The following ULBP1 variants were observed in gnomAD, a reference collection of about 807,000 sequenced individuals.
ULBP1 encodes UL16 binding protein 1.
In ULBP1, 28 loss-of-function variants were observed where a neutral mutation model predicts 25.3. That is an observed-to-expected ratio of 1.10 (90% confidence interval 0.82 to 1.51). The LOEUF is 1.51. ULBP1 is among the 40% of genes most tolerant of loss of function. ULBP1 has a pLI of 0.00. For synonymous variants in ULBP1, 129 were observed against 103.0 expected, an observed-to-expected ratio of 1.25 and a Z score of -1.53; for missense variants, 348 against 290.9, an observed-to-expected ratio of 1.20 and a Z score of -1.43.
At chr6:149,969,695 G>C (rs1436253280) in intron 3 of ULBP1, among the ~76,000 whole-genome samples, 1 of 152,112 alleles carries the variant, frequency 6.6e-6, no homozygotes, top group Admixed American at 6.5e-5. Flanking sequence ...ATCGGTTTCT[G>C]TAAATCCATC....
chr6:149,969,882 C>T (rs1299383441), intron 3 of ULBP1, 134 bp from the exon 4 acceptor site: 1 of 1,216,660 alleles, frequency 8.2e-7, no homozygotes, highest in Non-Finnish European at 1.1e-6. Context: ...AAGACTTGTC[C>T]CAGAGGTTGC....
intron 1 of ULBP1, among the ~76,000 whole-genome samples, chr6:149,965,695 G>T (rs1160963436): frequency 2.0e-5 from 3 of 152,072 alleles, no homozygotes; most frequent in Non-Finnish European, 4.4e-5. Context: ...TCCCTGCCCT[G>T]GAACTTCGCC....
Position 149,968,802 on chromosome 6 carries a change from T to A in ULBP1, c.281T>A (p.Leu94Gln). Residue 94 changes from leucine (L) to glutamine (Q), a missense_variant, in exon 2 of 5, where the codon CTA (leucine) becomes CAA (glutamine). By Grantham distance (113) the Leu-to-Gln change is moderately radical. Coordinates refer to ENST00000229708, the MANE Select transcript of ULBP1 (RefSeq NM_025218.4). ...TKTWEEQTET[L>Q]RDVVDFLKGQ... ...ACCTGGGAAGAACAAACTGAAACAC[T>A]AAGAGACGTGGTGGATTTCCTTAAA... is the stretch of plus-strand genomic sequence containing the variant. The A allele has an allele frequency of 6.2e-7, 1 of 1,614,220 alleles. No individual in the cohort carries two copies. Among genetic ancestry groups the A allele is most frequent in the Non-Finnish European group, 8.5e-7 (1 of 1,180,046 alleles).
chr6:149,969,207 T>C lies in ULBP1; in HGVS notation c.472T>C (p.Trp158Arg), dbSNP rs1270681415. ...FLLFDSNNRK[W>R]TALHPGAKKM... is the part of the protein sequence containing the mutation. ...CCTCTTTGACTCAAACAACAGAAAG[T>C]GGACAGCACTTCATCCTGGAGCCAA... Residue 158 changes from tryptophan to arginine, a missense_variant, in exon 3 of 5, where the codon TGG (tryptophan) becomes CGG (arginine). Physicochemically the swap from Trp to Arg is moderately radical, Grantham distance 101. Coordinates refer to ENST00000229708, the MANE Select transcript of ULBP1 (RefSeq NM_025218.4). The C allele has an allele frequency of 1.2e-6, 2 of 1,614,060 alleles. No individual in the cohort carries two copies. The highest frequency in any genetic ancestry group is 2.2e-5 in the East Asian group (1 of 44,888).
At chr6:149,968,107 G>A (rs981122568) in intron 1 of ULBP1, among the ~76,000 whole-genome samples, 3 of 152,172 alleles carry the variant, frequency 2.0e-5, no homozygotes, top group Non-Finnish European at 4.4e-5. Context: ...TAGCAGATGG[G>A]CATCTTCACT....
At position 149,972,162 on chromosome 6, in the gene ULBP1, G is replaced by T. The variant is rs181912461; in HGVS notation, c.*816G>T. On this transcript the variant is annotated 3_prime_UTR_variant, in exon 5 of 5. Transcript: ENST00000229708. ...TTTAATATGAAAATATTACATTCATGATTATTTTATTTAGTAAATAAAATA... is the reference window on the plus strand; with the variant it reads ...TTTAATATGAAAATATTACATTCATTATTATTTTATTTAGTAAATAAAATA... The T allele has an allele frequency of 1.4e-3, 206 of 152,134 alleles. 2 individuals are homozygous for T. Among genetic ancestry groups the T allele is most frequent in the Admixed American group, 0.012 (191 of 15,290 alleles). The allele number at this position is 152,134 out of a possible 1,614,324, so 9.4% of individuals were successfully genotyped here.
intron 1 of ULBP1, among the ~76,000 whole-genome samples, chr6:149,965,209 C>T (rs1224466627): frequency 1.1e-5 from 1 of 90,056 alleles, no homozygotes; most frequent in African/African-American, 1.1e-4. Context: ...CATCGCGATC[C>T]CCCAGAACAT....
chr6:149,971,349 A>G lies in ULBP1; in HGVS notation c.*23-20A>G, dbSNP rs926398965. 2.7e-5 allele frequency: 27 copies of G among 985,298 alleles called. No homozygotes were observed. The highest frequency in any genetic ancestry group is 2.5e-4 in the Admixed American group (4 of 16,258). 61.0% of individuals were successfully genotyped at this position (985,298 alleles called of 1,614,324 possible). A position where few individuals can be genotyped will look rare whatever the true frequency, so the allele number is the denominator to read the frequency against. ...AGGTTTTTCTCAGCCACTTAAACCAATGCTTCATCTTTTCTCAAGGTGGAA... is the reference window on the plus strand; with the variant it reads ...AGGTTTTTCTCAGCCACTTAAACCAGTGCTTCATCTTTTCTCAAGGTGGAA... On this transcript the variant is annotated intron_variant, in intron 4 of 4. Coordinates refer to ENST00000229708, the MANE Select transcript of ULBP1 (RefSeq NM_025218.4).
Position 149,964,123 on chromosome 6 carries a change from C to T in ULBP1, c.74C>T (p.Ala25Val). The change falls in exon 1 of 5, where the codon GCA (alanine) becomes GTA (valine). Residue 25 changes from alanine to valine, a missense_variant. Ala to Val is a moderately conservative substitution (Grantham distance 64). Transcript: ENST00000229708. ...LLHLLSGWSR[A>V]GWVDTHCLCY... is the part of the protein sequence containing the mutation. ...CACCTGCTGTCTGGCTGGTCCCGGGCAGGATGGGTCGGTGAGTTCGGGGAT... is the reference window on the plus strand; with the variant it reads ...CACCTGCTGTCTGGCTGGTCCCGGGTAGGATGGGTCGGTGAGTTCGGGGAT... The T allele has an allele frequency of 6.2e-7, 1 of 1,614,196 alleles. No homozygotes were observed. Among genetic ancestry groups the T allele is most frequent in the Non-Finnish European group, 8.5e-7 (1 of 1,180,022 alleles).
chr6:149,965,121 CCCG>C (rs1779179868), intron 1 of ULBP1, among the ~76,000 whole-genome samples: 1 of 147,642 alleles, frequency 6.8e-6, no homozygotes, highest in African/African-American at 2.6e-5. Flanking sequence ...TCGCGGCCTC[CCCG>C]AACATCGCGG....
At chr6:149,967,220 C>T (rs1163280642) in intron 1 of ULBP1, among the ~76,000 whole-genome samples, 1 of 152,206 alleles carries the variant, frequency 6.6e-6, no homozygotes, top group Non-Finnish European at 1.5e-5. Flanking sequence ...CCTAAATGCA[C>T]CTCATGAGTA....
At chr6:149,969,432 C>CGTGT (rs148314777) in intron 3 of ULBP1, 72 bp downstream of exon 3, 1 of 1,549,826 alleles carries the variant, frequency 6.5e-7, no homozygotes, top group Non-Finnish European at 8.8e-7. Flanking sequence ...TGTGTGAGTG[C>CGTGT]GTGTGTGTGT....
chr6:149,964,033 G>C lies in ULBP1; in HGVS notation c.-17G>C, dbSNP rs753782709. 4.5e-5 allele frequency: 73 copies of C among 1,613,414 alleles called. No individual in the cohort carries two copies. The highest frequency in any genetic ancestry group is 5.8e-5 in the Non-Finnish European group (68 of 1,179,860). On this transcript the variant is annotated 5_prime_UTR_variant, in exon 1 of 5. Transcript: ENST00000229708. The stretch of plus-strand genomic sequence containing the variant: ...GGAACCATCAGCGCCTCCTGTCCAC[G>C]GAGCTCCAGGTCTACAATGGCAGCG...
In ULBP1 at chr6:149,969,084, G is replaced by C; in HGVS notation, c.350-1G>C. On this transcript the variant is annotated splice_acceptor_variant, in intron 2 of 4. Coordinates refer to ENST00000229708, the MANE Select transcript of ULBP1 (RefSeq NM_025218.4). LOFTEE classifies it high-confidence loss of function. ...GAGCTGATCTCTTTGCAATGGGGCA[G>C]AGCCCCTCACCCTGCAGGCCAGGAT... 1.2e-6 allele frequency: 2 copies of C among 1,614,018 alleles called. No individual in the cohort carries two copies. The highest frequency in any genetic ancestry group is 1.7e-6 in the Non-Finnish European group (2 of 1,179,906).
At chr6:149,969,383 G>A (rs1646289765) in intron 3 of ULBP1, 23 bp downstream of exon 3, 1 of 1,608,228 alleles carries the variant, frequency 6.2e-7, no homozygotes, top group Non-Finnish European at 8.5e-7. Context: ...GGGATAAATG[G>A]AAGCTGTCTC....
chr6:149,973,454 T>C lies in ULBP1; in HGVS notation c.*2108T>C, dbSNP rs1779354676. The C allele has an allele frequency of 6.6e-6, 1 of 152,152 alleles. No individual in the cohort carries two copies. Among genetic ancestry groups the C allele is most frequent in the Non-Finnish European group, 1.5e-5 (1 of 68,028 alleles). 9.4% of individuals were successfully genotyped at this position (152,152 alleles called of 1,614,324 possible). ...ATGTAACAAACCTGTATATGTACCTTGTATTATATAGGTTGAAATTAAAGA... is the reference window on the plus strand; with the variant it reads ...ATGTAACAAACCTGTATATGTACCTCGTATTATATAGGTTGAAATTAAAGA... On this transcript the variant is annotated 3_prime_UTR_variant, in exon 5 of 5. Coordinates refer to ENST00000229708, the MANE Select transcript of ULBP1 (RefSeq NM_025218.4).
rs767741431 is a variant in ULBP1, at chr6:149,970,039, A to G, written c.649A>G (p.Thr217Ala). 61 of 1,613,182 alleles carry G rather than the reference A, an allele frequency of 3.8e-5. No homozygotes were observed. Among genetic ancestry groups the G allele is most frequent in the Non-Finnish European group, 5.1e-5 (60 of 1,179,710 alleles). ...PTKPPSLAPG[T>A]TQPKAMATTL... ...AGAACCACCCTCTCTGGCCCCAGGCACAACCCAACCCAAGGCCATGGCCAC... is the reference window on the plus strand; with the variant it reads ...AGAACCACCCTCTCTGGCCCCAGGCGCAACCCAACCCAAGGCCATGGCCAC... The change falls in exon 4 of 5, where the codon ACA becomes GCA. Residue 217 changes from threonine (T) to alanine (A), a missense_variant. Transcript: ENST00000229708.
rs146206355 is a variant in ULBP1 at position 149,970,659 on chromosome 6, G to A, written c.*22+512G>A. Among the ~76,000 whole-genome samples the A allele has an allele frequency of 5.8e-3, 885 of 152,362 alleles. 11 individuals are homozygous for A. Among genetic ancestry groups the A allele is most frequent in the African/African-American group, 0.02 (830 of 41,582 alleles). On this transcript the variant is annotated intron_variant, in intron 4 of 4. Transcript: ENST00000229708. Reference sequence around the variant, plus strand: ...GCTGCATTCCCAGAGAAAGCAGCTCGGGTCCCAGCAGTTAAGGTGGAAGGT... The same window carrying A: ...GCTGCATTCCCAGAGAAAGCAGCTCAGGTCCCAGCAGTTAAGGTGGAAGGT...
chr6:149,969,828 G>T (rs1779281312), intron 3 of ULBP1, among the ~76,000 whole-genome samples, 188 bp from the exon 4 acceptor site: 1 of 152,088 alleles, frequency 6.6e-6, no homozygotes, highest in Non-Finnish European at 1.5e-5. Context: ...GCAGATGTGT[G>T]AGCTCCCTGA....
Sources: gnomAD v4.1 joint callset for allele counts (sites outside exome capture counted in the v4.1 genomes callset) on GRCh38, gnomAD v4.1.1 for gene constraint, MANE v1.5 for transcripts, NCBI Gene and HGNC (gene_info 2026-07-23, HGNC 2026-07-21) for gene names.